NOVA1: variants seen among roughly 807,000 people sequenced by gnomAD.
NOVA1 encodes NOVA alternative splicing regulator 1, also known as RNA-binding protein Nova-1.
Under a neutral mutation model 38.0 loss-of-function variants are expected in NOVA1, and 7 were observed. The ratio of observed to expected loss-of-function variants is 0.18; its 90% CI spans 0.10 to 0.35. NOVA1 has a LOEUF of 0.35. Ranked by LOEUF, NOVA1 falls within the 10% of genes least tolerant of loss-of-function variation. The pLI is 1.00. For missense variants in NOVA1, 460 were observed against 616.0 expected, an observed-to-expected ratio of 0.75 and a Z score of 2.68; for synonymous variants, 270 against 232.5, an observed-to-expected ratio of 1.16 and a Z score of -1.47.
intron 2 of NOVA1, among the ~76,000 whole-genome samples, chr14:26,547,189 G>C (rs1326125206): frequency 6.6e-6 from 1 of 151,922 alleles, no homozygotes; most frequent in African/African-American, 2.4e-5. Flanking sequence ...AAATTATTAA[G>C]TGAGTGCTAA....
intron 4 of NOVA1, among the ~76,000 whole-genome samples, chr14:26,454,564 G>C (rs959081110): frequency 6.6e-6 from 1 of 152,064 alleles, no homozygotes; most frequent in Non-Finnish European, 1.5e-5. Context: ...CATCACAGAG[G>C]AAATACAACT....
At chr14:26,533,266 T>C (rs553925407) in intron 2 of NOVA1, among the ~76,000 whole-genome samples, 1 of 152,348 alleles carries the variant, frequency 6.6e-6, no homozygotes, top group East Asian at 1.9e-4. Context: ...CTTTCCTTCA[T>C]TTCTATCTCT....
chr14:26,491,265 C>T (rs901172752), intron 2 of NOVA1, among the ~76,000 whole-genome samples: 1 of 152,096 alleles, frequency 6.6e-6, no homozygotes. Context: ...CTTGACCTCC[C>T]AATGTGCTGG....
chr14:26,585,201 C>T (rs1196398958), intron 2 of NOVA1, among the ~76,000 whole-genome samples: 3 of 151,284 alleles, frequency 2.0e-5, no homozygotes, highest in African/African-American at 7.3e-5. Flanking sequence ...CTTTAAATTG[C>T]ATATATTTAC....
intron 2 of NOVA1, among the ~76,000 whole-genome samples, chr14:26,500,334 A>G (rs1465060643): frequency 6.6e-6 from 1 of 152,134 alleles, no homozygotes; most frequent in Non-Finnish European, 1.5e-5. Context: ...TGAAAGAATA[A>G]ATAGATGGCA....
At chr14:26,536,097 T>C (rs1010028094) in intron 2 of NOVA1, among the ~76,000 whole-genome samples, 2 of 151,824 alleles carry the variant, frequency 1.3e-5, no homozygotes, top group Admixed American at 6.6e-5. Context: ...TTAAGTGAAA[T>C]AAGACAGGCA....
At chr14:26,498,666 C>G (rs1426947069) in intron 2 of NOVA1, among the ~76,000 whole-genome samples, 1 of 152,092 alleles carries the variant, frequency 6.6e-6, no homozygotes, top group Non-Finnish European at 1.5e-5. Flanking sequence ...CAAACAAACA[C>G]AACCCAATTT....
chr14:26,535,480 A>G (rs949691520), intron 2 of NOVA1, among the ~76,000 whole-genome samples: 5 of 152,228 alleles, frequency 3.3e-5, no homozygotes, highest in Non-Finnish European at 5.9e-5. Context: ...ATACTTTACA[A>G]TACAGAGAGA....
chr14:26,571,719 G>C (rs772567421), intron 2 of NOVA1, among the ~76,000 whole-genome samples: 1 of 152,104 alleles, frequency 6.6e-6, no homozygotes, highest in Non-Finnish European at 1.5e-5. Context: ...ACCTATGAGA[G>C]AGCTACCATT....
chr14:26,475,885 T>G (rs986700190), intron 3 of NOVA1, among the ~76,000 whole-genome samples: 6 of 152,150 alleles, frequency 3.9e-5, no homozygotes, highest in Non-Finnish European at 8.8e-5. Context: ...ATAAACACTG[T>G]AATAAACAGA....
intron 2 of NOVA1, among the ~76,000 whole-genome samples, chr14:26,539,716 T>A (rs1412463301): frequency 6.6e-6 from 1 of 152,112 alleles, no homozygotes. Context: ...TATTTTTATA[T>A]AACACTGACA....
At chr14:26,487,172 T>C (rs1449713311) in intron 2 of NOVA1, among the ~76,000 whole-genome samples, 1 of 152,198 alleles carries the variant, frequency 6.6e-6, no homozygotes, top group African/African-American at 2.4e-5. Flanking sequence ...CGCAGCAATG[T>C]AGTAGTACAT....
intron 2 of NOVA1, among the ~76,000 whole-genome samples, chr14:26,508,692 A>G (rs1179902369): frequency 6.6e-6 from 1 of 152,058 alleles, no homozygotes; most frequent in Non-Finnish European, 1.5e-5. Context: ...GAGTTGATGA[A>G]AACTATAAGG....
intron 4 of NOVA1, among the ~76,000 whole-genome samples, chr14:26,468,369 A>G (rs1305937155): frequency 6.6e-6 from 1 of 151,860 alleles, no homozygotes; most frequent in Non-Finnish European, 1.5e-5. Context: ...ATGAACAGGG[A>G]CGCATATTAG....
intron 2 of NOVA1, among the ~76,000 whole-genome samples, chr14:26,505,008 T>C (rs917872075): frequency 0.014 from 30 of 2,218 alleles, no homozygotes; most frequent in Non-Finnish European, 0.021. Context: ...AAATTTTGTC[T>C]TGAGCTAGCT....
intron 2 of NOVA1, among the ~76,000 whole-genome samples, chr14:26,590,058 A>T (rs1893752911): frequency 6.6e-6 from 1 of 151,870 alleles, no homozygotes; most frequent in African/African-American, 2.4e-5. Flanking sequence ...CCACCAGTCC[A>T]GTCCAATTAC....
At chr14:26,548,840 C>T (rs539422750) in intron 2 of NOVA1, among the ~76,000 whole-genome samples, 1 of 151,828 alleles carries the variant, frequency 6.6e-6, no homozygotes, top group Non-Finnish European at 1.5e-5. Context: ...AGCACAGTGG[C>T]TCACACCTAT....
At chr14:26,531,284 T>C (rs1254709117) in intron 2 of NOVA1, among the ~76,000 whole-genome samples, 2 of 152,172 alleles carry the variant, frequency 1.3e-5, no homozygotes, top group Admixed American at 6.5e-5. Context: ...AAATGAACCA[T>C]AGATCTAACC....
chr14:26,497,169 C>G (rs1463798506), intron 2 of NOVA1, among the ~76,000 whole-genome samples: 1 of 151,980 alleles, frequency 6.6e-6, no homozygotes, highest in Non-Finnish European at 1.5e-5. Flanking sequence ...AACAGAGAGC[C>G]AAATCATGAG....
Sources: gnomAD v4.1 joint callset for allele counts (sites outside exome capture counted in the v4.1 genomes callset) on GRCh38, gnomAD v4.1.1 for gene constraint, MANE v1.5 for transcripts, NCBI Gene and HGNC (gene_info 2026-07-23, HGNC 2026-07-21) for gene names.